The following CADM1 variants were observed in gnomAD, a reference collection of about 807,000 sequenced individuals.
CADM1 encodes TSLC-1.
In CADM1, 15 loss-of-function variants were observed where a neutral mutation model predicts 53.1. The ratio of observed to expected loss-of-function variants is 0.28; its 90% CI spans 0.19 to 0.44. The LOEUF (loss-of-function observed/expected upper bound fraction) is 0.44, where lower values mean the gene tolerates loss of function less well. Among genes scored for constraint, CADM1 ranks in the 20% least tolerant of loss-of-function variants. CADM1 has a pLI of 1.00. For synonymous variants in CADM1, 281 were observed against 243.0 expected, an observed-to-expected ratio of 1.16 and a Z score of -1.45; for missense variants, 434 against 611.3, an observed-to-expected ratio of 0.71 and a Z score of 3.06.
chr11:115,295,550 A>ATATATATATATAAT (rs371584699), intron 1 of CADM1, among the ~76,000 whole-genome samples: 4 of 53,004 alleles, frequency 7.5e-5, no homozygotes, highest in Non-Finnish European at 5.9e-5. Context: ...ATATATATAT[A>ATATATATATATAAT]ATATATATGT....
intron 1 of CADM1, among the ~76,000 whole-genome samples, chr11:115,307,385 T>G (rs1944402131): frequency 6.6e-6 from 1 of 151,716 alleles, no homozygotes; most frequent in Non-Finnish European, 1.5e-5. Flanking sequence ...CTATCCTCTC[T>G]CAGCAAGAAC....
chr11:115,244,124 C>T (rs1048080112), intron 1 of CADM1, among the ~76,000 whole-genome samples: 4 of 152,194 alleles, frequency 2.6e-5, no homozygotes. Flanking sequence ...CATTCGCTTA[C>T]AATCAAGCTT....
At chr11:115,231,204 C>A (rs1185540659) in intron 4 of CADM1, 149 bp downstream of exon 4, 5 of 890,314 alleles carry the variant, frequency 5.6e-6, no homozygotes, top group Non-Finnish European at 9.3e-6. Context: ...TATGCTTTGG[C>A]CTCAGACATA....
chr11:115,215,281 T>C (rs1300293284), intron 6 of CADM1, among the ~76,000 whole-genome samples: 1 of 152,222 alleles, frequency 6.6e-6, no homozygotes, highest in African/African-American at 2.4e-5. Context: ...ATAGTGCTTT[T>C]CTTGGGCCTC....
chr11:115,227,344 G>A (rs779541466), intron 5 of CADM1, among the ~76,000 whole-genome samples: 12 of 152,104 alleles, frequency 7.9e-5, no homozygotes, highest in South Asian at 2.1e-4. Flanking sequence ...GAGGTGTAGC[G>A]CTTGAAATAT....
At chr11:115,217,300 T>TA (rs1941227300) in intron 6 of CADM1, among the ~76,000 whole-genome samples, 1 of 152,172 alleles carries the variant, frequency 6.6e-6, no homozygotes, top group Non-Finnish European at 1.5e-5. Flanking sequence ...TTCAATAAAA[T>TA]AAGAGTCTTA....
chr11:115,246,719 TTTG>T lies in CADM1; in HGVS notation c.125-6302_125-6300del, dbSNP rs558450268. ...CAAAAGCAATATGTGCTCAAAGGCT[TTTG>T]TTGTTGTTGTTTTGACAGTTTTATT... On this transcript the variant is annotated intron_variant, in intron 1 of 11. Coordinates refer to ENST00000331581, the MANE Select transcript of CADM1 (RefSeq NM_001301043.2). 3.0e-3 allele frequency among the ~76,000 whole-genome samples: 462 copies of T among 152,338 alleles called. 2 individuals carry two copies. The highest frequency in any genetic ancestry group is 0.011 in the African/African-American group (443 of 41,580).
At chr11:115,191,704 G>A (rs1939877529) in intron 9 of CADM1, among the ~76,000 whole-genome samples, 1 of 151,196 alleles carries the variant, frequency 6.6e-6, no homozygotes, top group South Asian at 2.1e-4. Context: ...GGCTCAGATA[G>A]GAGATGGTTT....
At chr11:115,355,567 C>T (rs1229724244) in intron 1 of CADM1, among the ~76,000 whole-genome samples, 3 of 151,630 alleles carry the variant, frequency 2.0e-5, no homozygotes, top group South Asian at 4.2e-4. Flanking sequence ...ATCACTGTGG[C>T]GTAAGTTTAA....
chr11:115,340,626 T>TTTTATA (rs1555069219), intron 1 of CADM1, among the ~76,000 whole-genome samples: 2 of 48,250 alleles, frequency 4.1e-5, no homozygotes, highest in African/African-American at 1.9e-4. Context: ...ATAATAAATA[T>TTTTATA]TATATATATA....
rs1938841883 is a variant in CADM1 at position 115,172,760 on chromosome 11, A to ATTT, written c.*3713_*3714insAAA. 4 of 8,514 alleles carry ATTT rather than the reference A, an allele frequency of 4.7e-4. No individual in the cohort carries two copies. The highest frequency in any genetic ancestry group is 4.7e-3 in the South Asian group (2 of 430). The allele number at this position is 8,514 out of a possible 1,614,324, so 0.5% of individuals were successfully genotyped here. A position where few individuals can be genotyped will look rare whatever the true frequency, so the allele number is the denominator to read the frequency against. ...TTTTTTTTTTTTTTTTTTTTTTTTA[A>ATTT]CAGAGACAGGTAAGAGACCAGGCCA... On this transcript the variant is annotated 3_prime_UTR_variant, in exon 12 of 12. Coordinates refer to ENST00000331581, the MANE Select transcript of CADM1 (RefSeq NM_001301043.2).
chr11:115,327,785 T>G (rs1013641748), intron 1 of CADM1, among the ~76,000 whole-genome samples: 8 of 152,198 alleles, frequency 5.3e-5, no homozygotes, highest in African/African-American at 1.9e-4. Context: ...ACTTCACAGA[T>G]TACTGCAAGA....
intron 1 of CADM1, among the ~76,000 whole-genome samples, chr11:115,441,292 A>G (rs1948305552): frequency 6.6e-6 from 1 of 152,176 alleles, no homozygotes; most frequent in African/African-American, 2.4e-5. Context: ...GGACACACCA[A>G]TGAAAATGAT....
intron 1 of CADM1, among the ~76,000 whole-genome samples, chr11:115,259,513 C>T (rs1942903657): frequency 6.6e-6 from 1 of 151,954 alleles, no homozygotes; most frequent in African/African-American, 2.4e-5. Context: ...GCCATGTTGG[C>T]CAGGCTGGTC....
At chr11:115,485,910 A>G (rs1019626069) in intron 1 of CADM1, among the ~76,000 whole-genome samples, 5 of 152,376 alleles carry the variant, frequency 3.3e-5, no homozygotes, top group Admixed American at 1.3e-4. Flanking sequence ...TGTTCCAGTG[A>G]TAACTCAAGT....
intron 1 of CADM1, among the ~76,000 whole-genome samples, chr11:115,310,411 A>G (rs1944500551): frequency 6.6e-6 from 1 of 152,124 alleles, no homozygotes; most frequent in Admixed American, 6.6e-5. Context: ...GGAATTCTTC[A>G]TGCTACTTGA....
chr11:115,184,399 A>G (rs1939448492), intron 10 of CADM1, among the ~76,000 whole-genome samples: 1 of 152,226 alleles, frequency 6.6e-6, no homozygotes, highest in African/African-American at 2.4e-5. Flanking sequence ...CTAATATGTT[A>G]TTCTTCTTTA....
chr11:115,450,408 T>C (rs563298089), intron 1 of CADM1, among the ~76,000 whole-genome samples: 74 of 152,328 alleles, frequency 4.9e-4, no homozygotes, highest in African/African-American at 1.8e-3. Context: ...AAACTGTGCT[T>C]CTATCTTAGT....
chr11:115,422,859 GAC>G (rs1486075158), intron 1 of CADM1, among the ~76,000 whole-genome samples: 1 of 152,064 alleles, frequency 6.6e-6, no homozygotes, highest in Non-Finnish European at 1.5e-5. Flanking sequence ...ACATTTTTCT[GAC>G]ACTCAGAAAC....
Sources: allele counts gnomAD v4.1 joint callset (sites outside exome capture counted in the v4.1 genomes callset), GRCh38; gene constraint gnomAD v4.1.1; transcripts MANE v1.5; gene names NCBI Gene and HGNC (gene_info 2026-07-23, HGNC 2026-07-21).